The following LINGO2 variants were observed in gnomAD, a reference collection of about 807,000 sequenced individuals.
The protein encoded by LINGO2 is leucine rich repeat and Ig domain containing 2.
A neutral mutation model predicts 30.6 loss-of-function variants in LINGO2; 14 were observed. The observed-to-expected ratio is 0.46, with a 90% CI of 0.30 to 0.72. LINGO2 has a LOEUF of 0.72. LINGO2 is among the 30% of genes least tolerant of loss of function. LINGO2 has a pLI of 0.07. For synonymous variants in LINGO2, 317 were observed against 288.5 expected (o/e 1.10, Z -1.00); for missense variants, 729 against 751.7 (o/e 0.97, Z 0.35).
At chr9:28,217,072 T>C (rs1007279611) in intron 4 of LINGO2, among the ~76,000 whole-genome samples, 1 of 151,166 alleles carries the variant, frequency 6.6e-6, no homozygotes, top group African/African-American at 2.4e-5. Context: ...TCATCAGTGC[T>C]GATGTCAATA....
chr9:29,122,876 T>C, the LINGO2 span, among the ~76,000 whole-genome samples: 3 of 152,134 alleles, frequency 2.0e-5, no homozygotes, highest in African/African-American at 7.2e-5. Flanking sequence ...TTGTGTCATG[T>C]CTTGGGACAT....
At chr9:29,055,940 G>GTATATATATATGTGTATA in the LINGO2 span, among the ~76,000 whole-genome samples, 1 of 119,980 alleles carries the variant, frequency 8.3e-6, no homozygotes, top group Non-Finnish European at 1.8e-5. Context: ...ATGTGTGTGT[G>GTATATATATATGTGTATA]TATATATACA....
At chr9:29,079,071 C>T in the LINGO2 span, among the ~76,000 whole-genome samples, 2 of 151,754 alleles carry the variant, frequency 1.3e-5, no homozygotes, top group African/African-American at 2.4e-5. Flanking sequence ...TTTCATCATC[C>T]AACTAATAAA....
intron 4 of LINGO2, among the ~76,000 whole-genome samples, chr9:28,236,530 A>T (rs1284433638): frequency 6.6e-6 from 1 of 152,204 alleles, no homozygotes; most frequent in Non-Finnish European, 1.5e-5. Context: ...TTTGAGACAT[A>T]GACAGTACAT....
intron 2 of LINGO2, among the ~76,000 whole-genome samples, chr9:28,467,408 G>A (rs952715034): frequency 6.6e-6 from 1 of 152,078 alleles, no homozygotes; most frequent in African/African-American, 2.4e-5. Context: ...AAACAATATT[G>A]ACATGAGAAA....
At chr9:28,721,640 C>T in the LINGO2 span, among the ~76,000 whole-genome samples, 10 of 151,980 alleles carry the variant, frequency 6.6e-5, no homozygotes, top group Non-Finnish European at 1.5e-5. Context: ...AGGAGAACAT[C>T]ACACACTGGG....
intron 4 of LINGO2, among the ~76,000 whole-genome samples, chr9:28,254,832 TG>T (rs893639820): frequency 2.6e-5 from 4 of 152,104 alleles, no homozygotes; most frequent in African/African-American, 9.7e-5. Context: ...ACTTGTGTCA[TG>T]GGGGTTTGTT....
intron 2 of LINGO2, among the ~76,000 whole-genome samples, chr9:28,382,651 T>C (rs1226194797): frequency 6.6e-6 from 1 of 152,140 alleles, no homozygotes; most frequent in East Asian, 1.9e-4. Flanking sequence ...TTCAGTTCTA[T>C]GGGCCACATG....
chr9:28,765,995 C>T, the LINGO2 span, among the ~76,000 whole-genome samples: 4 of 151,874 alleles, frequency 2.6e-5, no homozygotes, highest in Admixed American at 6.6e-5. Context: ...CTGTAAAAAG[C>T]CTTAAAAAAC....
chr9:29,015,072 A>C, the LINGO2 span, among the ~76,000 whole-genome samples: 3 of 152,116 alleles, frequency 2.0e-5, no homozygotes, highest in Non-Finnish European at 4.4e-5. Context: ...CGGCAGAATA[A>C]TTTGGAGTAT....
chr9:28,118,082 G>T (rs530065651), intron 4 of LINGO2, among the ~76,000 whole-genome samples: 11 of 152,166 alleles, frequency 7.2e-5, no homozygotes, highest in East Asian at 1.9e-4. Flanking sequence ...GGCCTGTTGG[G>T]GGGTGGAGTA....
intron 4 of LINGO2, among the ~76,000 whole-genome samples, chr9:28,023,755 G>C (rs964487169): frequency 6.6e-6 from 1 of 152,176 alleles, no homozygotes; most frequent in Non-Finnish European, 1.5e-5. Flanking sequence ...CCAAAGCCAA[G>C]AAGAGATCTT....
the LINGO2 span, among the ~76,000 whole-genome samples, chr9:29,197,876 CACTTT>C: frequency 1.9e-3 from 294 of 152,182 alleles, no homozygotes; most frequent in Non-Finnish European, 2.1e-3. Flanking sequence ...AGAATAAATA[CACTTT>C]ACTTAAGTAT....
chr9:28,059,364 C>T (rs1563950914), intron 4 of LINGO2, among the ~76,000 whole-genome samples: 1 of 152,052 alleles, frequency 6.6e-6, no homozygotes, highest in Non-Finnish European at 1.5e-5. Context: ...CCCCCCCACC[C>T]CACCGGGTCC....
the LINGO2 span, among the ~76,000 whole-genome samples, chr9:28,799,002 G>A: frequency 6.6e-6 from 1 of 152,090 alleles, no homozygotes; most frequent in Non-Finnish European, 1.5e-5. Context: ...AAAAAATTGA[G>A]ATGATGGAGA....
At position 28,642,654 on chromosome 9, in the gene LINGO2, A is replaced by G. The variant is rs575342023; in HGVS notation, c.-365+27546T>C. Among the ~76,000 whole-genome samples, 20 of 152,228 alleles carry G rather than the reference A, an allele frequency of 1.3e-4. 1 individual carries two copies. The highest frequency in any genetic ancestry group is 4.1e-4 in the African/African-American group (17 of 41,558). ...CTGTTATCACAAAAATGCATTGTGG[A>G]ATGGGAAACTTAGACATGATTAAAG... is the stretch of plus-strand genomic sequence containing the variant. On this transcript the variant is annotated intron_variant, in intron 1 of 5. Coordinates refer to ENST00000379992, the Ensembl canonical transcript of LINGO2.
At chr9:28,491,632 C>T (rs1176292865) in intron 1 of LINGO2, among the ~76,000 whole-genome samples, 2 of 152,106 alleles carry the variant, frequency 1.3e-5, no homozygotes, top group Non-Finnish European at 2.9e-5. Flanking sequence ...CCTAATTAAA[C>T]ATTTAAAATC....
At chr9:28,033,463 C>A (rs77400197) in intron 4 of LINGO2, among the ~76,000 whole-genome samples, 160 of 152,150 alleles carry the variant, frequency 1.1e-3, no homozygotes, top group African/African-American at 3.8e-3. Context: ...CAGGAGAGAA[C>A]CATCAACAGC....
At chr9:29,149,422 T>A in the LINGO2 span, among the ~76,000 whole-genome samples, 1 of 151,370 alleles carries the variant, frequency 6.6e-6, no homozygotes, top group East Asian at 2.0e-4. Flanking sequence ...CAACACACTT[T>A]GAACAGATAT....
Sources: gnomAD v4.1 joint callset for allele counts (sites outside exome capture counted in the v4.1 genomes callset) on GRCh38, gnomAD v4.1.1 for gene constraint, MANE v1.5 for transcripts, NCBI Gene and HGNC (gene_info 2026-07-23, HGNC 2026-07-21) for gene names.